The following IQCM variants were observed in gnomAD, a reference collection of about 807,000 sequenced individuals.
IQCM encodes the protein IQ domain-containing protein M.
A neutral mutation model predicts 57.6 loss-of-function variants in IQCM; 45 were observed. That is an observed-to-expected ratio of 0.78 (90% CI 0.62 to 1.00). The LOEUF is 1.00. Ranked by LOEUF, IQCM falls within the 50% of genes least tolerant of loss-of-function variation. The pLI is 0.00. For synonymous variants in IQCM, 148 were observed against 158.9 expected (o/e 0.93, Z 0.51); for missense variants, 468 against 511.6 (o/e 0.91, Z 0.82).
chr4:149,447,287 A>C (rs2111375920), intron 12 of IQCM, among the ~76,000 whole-genome samples: 1 of 151,754 alleles, frequency 6.6e-6, no homozygotes, highest in African/African-American at 2.4e-5. Context: ...CATTCAATAA[A>C]AATTACCAGA....
chr4:149,765,242 A>G (rs74561446), intron 2 of IQCM, among the ~76,000 whole-genome samples: 39 of 152,286 alleles, frequency 2.6e-4, no homozygotes, highest in African/African-American at 8.7e-4. Flanking sequence ...CTTCACCTAG[A>G]TGAGGTGACC....
chr4:149,587,789 C>T (rs2149999957), intron 9 of IQCM, 141 bp downstream of exon 9: 1 of 395,346 alleles, frequency 2.5e-6, no homozygotes, highest in South Asian at 1.4e-4. Flanking sequence ...ATTAAAAGGC[C>T]ACATTGAAAA....
intron 12 of IQCM, among the ~76,000 whole-genome samples, chr4:149,454,203 CACAT>C (rs1161201612): frequency 1.4e-5 from 2 of 147,872 alleles, no homozygotes; most frequent in Non-Finnish European, 3.0e-5. Context: ...CACATATAAA[CACAT>C]ACACACACAA....
intron 2 of IQCM, among the ~76,000 whole-genome samples, chr4:149,804,393 G>C (rs1206677034): frequency 6.6e-6 from 1 of 152,016 alleles, no homozygotes; most frequent in African/African-American, 2.4e-5. Context: ...TACCCTTTAA[G>C]TGTCCCTTCC....
At position 149,774,690 on chromosome 4, in the gene IQCM, C is replaced by T. The variant is rs570115023; in HGVS notation, c.-48-31951G>A. Among the ~76,000 whole-genome samples, 7 of 151,740 alleles carry T rather than the reference C, an allele frequency of 4.6e-5. 1 individual carries two copies. Among genetic ancestry groups the T allele is most frequent in the African/African-American group, 1.7e-4 (7 of 41,386 alleles). ...CTCTTCCAGCTTTGGAGGCCCCCTC[C>T]CTCTGTCTCTGTACGAGGGAGCTTC... On this transcript the variant is annotated intron_variant, in intron 2 of 13. Coordinates refer to ENST00000636793, the MANE Select transcript of IQCM (RefSeq NM_001363507.2).
chr4:149,608,527 C>A (rs987281130), intron 8 of IQCM, among the ~76,000 whole-genome samples: 2 of 151,748 alleles, frequency 1.3e-5, no homozygotes, highest in African/African-American at 4.8e-5. Context: ...CAAAACAAGT[C>A]TCAAAAAATT....
At chr4:149,419,274 G>T (rs1733963589) in intron 13 of IQCM, among the ~76,000 whole-genome samples, 1 of 151,920 alleles carries the variant, frequency 6.6e-6, no homozygotes, top group Admixed American at 6.6e-5. Flanking sequence ...AAACAGCATG[G>T]TACTTGTATA....
intron 2 of IQCM, among the ~76,000 whole-genome samples, chr4:149,769,450 C>T (rs28418894): frequency 0.023 from 3,440 of 151,648 alleles, 102 homozygotes; most frequent in African/African-American, 0.069. Context: ...ATGGGGCACA[C>T]ATAGGGGAGC....
At chr4:149,505,709 T>C (rs898884850) in intron 12 of IQCM, among the ~76,000 whole-genome samples, 1 of 152,188 alleles carries the variant, frequency 6.6e-6, no homozygotes, top group Non-Finnish European at 1.5e-5. Flanking sequence ...TAAAATGCTG[T>C]TGTTATTTGT....
intron 13 of IQCM, among the ~76,000 whole-genome samples, chr4:149,423,186 C>T (rs1734232174): frequency 1.3e-5 from 2 of 152,012 alleles, no homozygotes; most frequent in South Asian, 4.1e-4. Flanking sequence ...ACTCACAGTT[C>T]CACATGGCTG....
At chr4:149,563,386 T>C (rs1319655883) in intron 10 of IQCM, among the ~76,000 whole-genome samples, 1 of 152,158 alleles carries the variant, frequency 6.6e-6, no homozygotes, top group African/African-American at 2.4e-5. Context: ...CTAAAAACTG[T>C]CATCATAACA....
chr4:149,677,463 G>T (rs573429200), intron 7 of IQCM, among the ~76,000 whole-genome samples: 47 of 152,102 alleles, frequency 3.1e-4, no homozygotes, highest in Non-Finnish European at 5.0e-4. Flanking sequence ...TGGGCTTAAG[G>T]TGCCATCTAG....
chr4:149,639,439 AAAG>A lies in IQCM; in HGVS notation c.566-18198_566-18196del, dbSNP rs934540067. On this transcript the variant is annotated intron_variant, in intron 7 of 13. Transcript: ENST00000636793. ...AGATCCTGTCTTAAAAAAAAAAAAA[AAAG>A]AAGAAGAAGAAGAAGGAGAAGGAGA... 5.1e-4 allele frequency among the ~76,000 whole-genome samples: 78 copies of A among 151,498 alleles called. 1 individual carries two copies. Among genetic ancestry groups the A allele is most frequent in the African/African-American group, 1.4e-3 (58 of 41,332 alleles).
intron 12 of IQCM, among the ~76,000 whole-genome samples, chr4:149,507,857 C>T (rs1208146308): frequency 2.0e-5 from 3 of 152,194 alleles, no homozygotes; most frequent in East Asian, 3.9e-4. Context: ...TGCGGCAGCC[C>T]CTCCCATCAC....
rs1318589451 is a variant in IQCM, at chr4:149,480,945, C to T, written c.1229-47388G>A. Among the ~76,000 whole-genome samples, 6 of 152,192 alleles carry T rather than the reference C, an allele frequency of 3.9e-5. No individual in the cohort carries two copies. In the East Asian group the frequency reaches 1.2e-3, roughly 29 times the overall value. On this transcript the variant is annotated intron_variant, in intron 12 of 13. Coordinates refer to ENST00000636793, the MANE Select transcript of IQCM (RefSeq NM_001363507.2). ...TTATTGCCTGTCTTTGGATATAAGC[C>T]ATTTTAATTGGGGTGAGACGATATC... is the stretch of plus-strand genomic sequence containing the variant.
At chr4:149,667,446 A>G (rs1281429862) in intron 7 of IQCM, among the ~76,000 whole-genome samples, 1 of 152,140 alleles carries the variant, frequency 6.6e-6, no homozygotes, top group Non-Finnish European at 1.5e-5. Flanking sequence ...GCAAAGAGGA[A>G]AGGTAGATAA....
At chr4:149,576,004 ATTTC>A (rs1751611542) in intron 9 of IQCM, among the ~76,000 whole-genome samples, 1 of 151,850 alleles carries the variant, frequency 6.6e-6, no homozygotes, top group South Asian at 2.1e-4. Context: ...AAACACAATT[ATTTC>A]TTTCCTTCTG....
chr4:149,780,533 A>T (rs1771507624), intron 2 of IQCM, among the ~76,000 whole-genome samples: 1 of 148,034 alleles, frequency 6.8e-6, no homozygotes, highest in South Asian at 2.1e-4. Flanking sequence ...TATGTAAGTT[A>T]TATATATATA....
chr4:149,446,520 G>A (rs1244373418), intron 12 of IQCM, among the ~76,000 whole-genome samples: 1 of 151,608 alleles, frequency 6.6e-6, no homozygotes, highest in East Asian at 1.9e-4. Flanking sequence ...AGGCATGTGG[G>A]AAAACTTGAG....
Sources: allele counts gnomAD v4.1 joint callset (sites outside exome capture counted in the v4.1 genomes callset), GRCh38; gene constraint gnomAD v4.1.1; transcripts MANE v1.5; gene names NCBI Gene and HGNC (gene_info 2026-07-23, HGNC 2026-07-21).